Variants in CEP85L observed in about 807,000 individuals in gnomAD.
CEP85L encodes centrosomal protein of 85 kDa-like.
CEP85L carries 60 observed loss-of-function variants against 100.3 expected under a neutral mutation model. The ratio of observed to expected loss-of-function variants is 0.60; its 90% confidence interval spans 0.49 to 0.74. CEP85L has a LOEUF of 0.74. Among genes scored for constraint, CEP85L ranks in the 30% least tolerant of loss-of-function variants. The pLI is 0.00. For missense variants in CEP85L, 973 were observed against 936.2 expected (o/e 1.04, Z -0.51); for synonymous variants, 319 against 322.7 (o/e 0.99, Z 0.12).
In CEP85L at chr6:118,470,497, A is replaced by G. The variant is rs369685783; in HGVS notation, c.2022+40T>C. 16 of 1,228,194 alleles carry G rather than the reference A, an allele frequency of 1.3e-5. No individual in the cohort carries two copies. In the African/African-American group the frequency reaches 2.3e-4, roughly 18 times the overall value. The allele number at this position is 1,228,194 out of a possible 1,614,324, so 76.1% of individuals were successfully genotyped here. ...TCTATAAAATAAGCATTTTATAGTG[A>G]ATCATCCTTTCAAAGCAAAATTGAA... On this transcript the variant is annotated intron_variant, in intron 11 of 12. Coordinates refer to ENST00000368491, the MANE Select transcript of CEP85L (RefSeq NM_001042475.3).
chr6:118,584,417 G>A (rs1254966567), intron 2 of CEP85L, among the ~76,000 whole-genome samples: 1 of 152,068 alleles, frequency 6.6e-6, no homozygotes, highest in Non-Finnish European at 1.5e-5. Flanking sequence ...TGGATACCTG[G>A]GTATGGTGAA....
intron 3 of CEP85L, among the ~76,000 whole-genome samples, chr6:118,539,568 T>C (rs888577038): frequency 1.2e-4 from 18 of 152,222 alleles, no homozygotes; most frequent in Non-Finnish European, 2.1e-4. Flanking sequence ...TAAAAGGATA[T>C]AAAAGAAACT....
intron 2 of CEP85L, among the ~76,000 whole-genome samples, chr6:118,615,921 T>TC (rs1343210903): frequency 2.0e-5 from 3 of 152,120 alleles, no homozygotes; most frequent in African/African-American, 4.8e-5. Context: ...GTCCTTTGCT[T>TC]CTTTTTCCAT....
At chr6:118,562,975 G>A (rs1041495286) in intron 3 of CEP85L, among the ~76,000 whole-genome samples, 1 of 152,064 alleles carries the variant, frequency 6.6e-6, no homozygotes, top group Non-Finnish European at 1.5e-5. Context: ...GAACTCAAGG[G>A]GGCCATGGAA....
intron 1 of CEP85L, among the ~76,000 whole-genome samples, chr6:118,695,781 T>A (rs1390751639): frequency 6.6e-6 from 1 of 152,230 alleles, no homozygotes; most frequent in African/African-American, 2.4e-5. Context: ...GTGTACAAGA[T>A]ACCATGATGG....
intron 1 of CEP85L, among the ~76,000 whole-genome samples, chr6:118,695,679 C>T (rs556979950): frequency 5.3e-5 from 8 of 152,254 alleles, no homozygotes; most frequent in East Asian, 1.9e-4. Flanking sequence ...TATAGCTGTT[C>T]GTCTATTTCT....
chr6:118,514,972 G>GT (rs369273286), intron 4 of CEP85L, among the ~76,000 whole-genome samples: 4,315 of 144,570 alleles, frequency 0.03, 83 homozygotes, highest in Middle Eastern at 0.096. Flanking sequence ...GCCCGGCTAA[G>GT]TTTTTTTTTT....
intron 3 of CEP85L, among the ~76,000 whole-genome samples, chr6:118,527,921 C>T (rs966040635): frequency 2.0e-5 from 3 of 152,034 alleles, no homozygotes; most frequent in African/African-American, 7.2e-5. Context: ...GCATGCCTAA[C>T]AAAAATCTTC....
chr6:118,709,414 C>T (rs1777708475), intron 1 of CEP85L, among the ~76,000 whole-genome samples: 1 of 152,116 alleles, frequency 6.6e-6, no homozygotes, highest in African/African-American at 2.4e-5. Context: ...TGGCATTTCT[C>T]AGCGCATGCG....
chr6:118,669,073 T>C (rs1776216964), intron 1 of CEP85L, among the ~76,000 whole-genome samples: 1 of 152,214 alleles, frequency 6.6e-6, no homozygotes, highest in African/African-American at 2.4e-5. Context: ...TAGCAATAAG[T>C]GTCTCTAAAA....
intron 3 of CEP85L, among the ~76,000 whole-genome samples, chr6:118,535,356 G>A (rs1034399512): frequency 4.6e-5 from 7 of 152,128 alleles, no homozygotes; most frequent in African/African-American, 1.7e-4. Context: ...TCAGATCAGT[G>A]GTTGCCAAGC....
At chr6:118,557,367 T>C (rs1347789961) in intron 3 of CEP85L, among the ~76,000 whole-genome samples, 2 of 152,210 alleles carry the variant, frequency 1.3e-5, no homozygotes, top group Non-Finnish European at 2.9e-5. Context: ...TTAGAACTTT[T>C]ACCCAAAAGA....
At chr6:118,547,756 C>T (rs968414007) in intron 3 of CEP85L, among the ~76,000 whole-genome samples, 21 of 151,914 alleles carry the variant, frequency 1.4e-4, no homozygotes, top group Non-Finnish European at 1.3e-4. Context: ...AAACAAAAAG[C>T]AATTAGCCTG....
chr6:118,609,329 C>T (rs1772454456), intron 2 of CEP85L, among the ~76,000 whole-genome samples: 1 of 152,126 alleles, frequency 6.6e-6, no homozygotes, highest in Admixed American at 6.5e-5. Context: ...TCAAATTTTT[C>T]AAATCCATGA....
intron 3 of CEP85L, chr6:118,537,905 G>A (rs1182051977): frequency 2.0e-6 from 2 of 984,900 alleles, no homozygotes; most frequent in Admixed American, 1.2e-4. Flanking sequence ...TCTATCTGAA[G>A]AGATACTCTA....
rs1781674858 is a variant in CEP85L at position 118,600,298 on chromosome 6, GGGGTGTGTGTGTGT to G, written c.232+32141_232+32154del. On this transcript the variant is annotated intron_variant, in intron 2 of 12. Transcript: ENST00000368491. ...TACTGCCTGTCCCTGAGCCTTCCTG[GGGGTGTGTGTGTGT>G]GTGTGTGTGTGTGTGTGTGTGTGTG... Among the ~76,000 whole-genome samples, 357 of 59,196 alleles carry G rather than the reference GGGGTGTGTGTGTGT, an allele frequency of 6.0e-3. 54 individuals carry two copies. Among genetic ancestry groups the G allele is most frequent in the Admixed American group, 0.014 (90 of 6,530 alleles). The allele number at this position is 59,196 out of a possible 152,430, so 38.8% of individuals were successfully genotyped here. A position where few individuals can be genotyped will look rare whatever the true frequency, so the allele number is the denominator to read the frequency against.
rs199673600 is a variant in CEP85L at position 118,566,425 on chromosome 6, C to CT, written c.233-110dup. On this transcript the variant is annotated intron_variant, in intron 2 of 12. Coordinates refer to ENST00000368491, the MANE Select transcript of CEP85L (RefSeq NM_001042475.3). ...TCTGAACATGGTTTCATAGCACAAG[C>CT]TTTTTTTTTTGAGACGTAGTTTTAG... 8.5e-3 allele frequency: 7,197 copies of CT among 851,676 alleles called. 26 individuals carry two copies. Among genetic ancestry groups the CT allele is most frequent in the East Asian group, 0.077 (2,490 of 32,312 alleles). The allele number at this position is 851,676 out of a possible 1,614,324, so 52.8% of individuals were successfully genotyped here.
At chr6:118,604,769 A>G (rs1389820301) in intron 2 of CEP85L, among the ~76,000 whole-genome samples, 1 of 152,206 alleles carries the variant, frequency 6.6e-6, no homozygotes, top group East Asian at 1.9e-4. Flanking sequence ...ACAGTTTCCA[A>G]AGTCAACCAG....
At chr6:118,558,621 GCACATACA>G (rs1321466011) in intron 3 of CEP85L, among the ~76,000 whole-genome samples, 28 of 60,070 alleles carry the variant, frequency 4.7e-4, no homozygotes, top group African/African-American at 1.2e-3. Flanking sequence ...AGAAACACGT[GCACATACA>G]CACACACACA....
Sources: allele counts gnomAD v4.1 joint callset (sites outside exome capture counted in the v4.1 genomes callset), GRCh38; gene constraint gnomAD v4.1.1; transcripts MANE v1.5; gene names NCBI Gene and HGNC (gene_info 2026-07-23, HGNC 2026-07-21).